SRGAP2: variants seen among roughly 807,000 people sequenced by gnomAD.
The protein encoded by SRGAP2 is SLIT-ROBO Rho GTPase-activating protein 2.
A neutral mutation model predicts 57.2 loss-of-function variants in SRGAP2; 15 were observed. The ratio of observed to expected loss-of-function variants is 0.26; its 90% CI spans 0.18 to 0.40. SRGAP2 has a LOEUF of 0.40. Ranked by LOEUF, SRGAP2 falls within the 10% of genes least tolerant of loss-of-function variation. The pLI, the probability that SRGAP2 is intolerant of heterozygous loss-of-function variation, is 1.00. For missense variants in SRGAP2, 520 were observed against 669.6 expected, an observed-to-expected ratio of 0.78 and a Z score of 2.47; for synonymous variants, 249 against 248.0, an observed-to-expected ratio of 1.00 and a Z score of -0.04.
intron 2 of SRGAP2, among the ~76,000 whole-genome samples, chr1:206,266,217 T>TGGCCC (rs1476661749): frequency 6.7e-6 from 1 of 149,754 alleles, no homozygotes; most frequent in African/African-American, 2.5e-5. Flanking sequence ...CTGGCTGGCA[T>TGGCCC]GGCCCATTGT....
At chr1:206,417,710 G>A (rs1450297381) in intron 11 of SRGAP2, among the ~76,000 whole-genome samples, 5 of 152,122 alleles carry the variant, frequency 3.3e-5, no homozygotes, top group Non-Finnish European at 2.9e-5. Flanking sequence ...GTGAGCCACC[G>A]GGCCCAGCAC....
chr1:206,363,805 G>T (rs1207489010), intron 4 of SRGAP2, among the ~76,000 whole-genome samples: 1 of 152,204 alleles, frequency 6.6e-6, no homozygotes, highest in Non-Finnish European at 1.5e-5. Flanking sequence ...TATATCAGGA[G>T]GCACTTGCCG....
rs782605897 is a variant in SRGAP2, at chr1:206,450,469, C to T, written c.2179+4C>T. The T allele has an allele frequency of 2.8e-5, 22 of 780,670 alleles. No individual in the cohort carries two copies. The highest frequency in any genetic ancestry group is 5.1e-5 in the African/African-American group (3 of 59,234). 48.4% of individuals were successfully genotyped at this position (780,670 alleles called of 1,614,324 possible). A position where few individuals can be genotyped will look rare whatever the true frequency, so the allele number is the denominator to read the frequency against. On this transcript the variant is annotated splice_donor_region_variant and intron_variant, in intron 19 of 22. Transcript: ENST00000573034. ...GAGCACCACACGAGCGATGACGGTA[C>T]GAGGCCCTGCTTCCTGGTCAGTGGG...
intron 14 of SRGAP2, among the ~76,000 whole-genome samples, chr1:206,435,030 T>C (rs1661604234): frequency 6.6e-6 from 1 of 152,226 alleles, no homozygotes; most frequent in Non-Finnish European, 1.5e-5. Flanking sequence ...ATCCCATTTG[T>C]AACTAGTATT....
At chr1:206,412,999 G>T (rs188574430) in intron 10 of SRGAP2, among the ~76,000 whole-genome samples, 56 of 152,288 alleles carry the variant, frequency 3.7e-4, no homozygotes, top group African/African-American at 1.2e-3. Context: ...AATGAAACCC[G>T]AAGAGGTAAT....
chr1:206,455,440 G>A (rs1011887846), intron 21 of SRGAP2: 5 of 219,860 alleles, frequency 2.3e-5, no homozygotes, highest in Admixed American at 1.1e-4. Flanking sequence ...TCCTTGACCC[G>A]TGTTCGTGCA....
intron 2 of SRGAP2, among the ~76,000 whole-genome samples, chr1:206,255,436 G>A (rs1313372986): frequency 7.3e-6 from 1 of 137,144 alleles, no homozygotes; most frequent in Non-Finnish European, 1.6e-5. Context: ...CTAGGGAGTA[G>A]CATACTCTGG....
intron 10 of SRGAP2, among the ~76,000 whole-genome samples, chr1:206,413,769 T>G (rs1553360379): frequency 6.6e-6 from 1 of 152,122 alleles, no homozygotes; most frequent in African/African-American, 2.4e-5. Flanking sequence ...GGAGGCAGTC[T>G]GAAGAAAAAG....
In SRGAP2 at chr1:206,449,318, A is replaced by G. The variant is rs532262408; in HGVS notation, c.2100-1068A>G. ...TTTTTTTTTTTTTTTTTTAGACAGGATCTTGCTCTGTCACCCAGGCCAGAG... is the reference window on the plus strand; with the variant it reads ...TTTTTTTTTTTTTTTTTTAGACAGGGTCTTGCTCTGTCACCCAGGCCAGAG... On this transcript the variant is annotated intron_variant, in intron 18 of 22. Transcript: ENST00000573034. Among the ~76,000 whole-genome samples, 896 of 109,474 alleles carry G rather than the reference A, an allele frequency of 8.2e-3. 12 individuals carry two copies. In the Middle Eastern group the frequency reaches 0.15, roughly 18 times the overall value. 71.8% of individuals were successfully genotyped at this position (109,474 alleles called of 152,430 possible). A position where few individuals can be genotyped will look rare whatever the true frequency, so the allele number is the denominator to read the frequency against.
intron 2 of SRGAP2, among the ~76,000 whole-genome samples, chr1:206,278,216 A>G (rs1670530484): frequency 6.6e-6 from 1 of 151,038 alleles, no homozygotes; most frequent in African/African-American, 2.4e-5. Context: ...GAGGGAGACA[A>G]ACAATAAACA....
chr1:206,344,127 G>A (rs1675438591), intron 4 of SRGAP2, among the ~76,000 whole-genome samples: 1 of 151,568 alleles, frequency 6.6e-6, no homozygotes, highest in African/African-American at 2.4e-5. Context: ...GATTTCACTA[G>A]ATCTGGAATT....
chr1:206,289,277 T>G (rs1167528982), intron 2 of SRGAP2, among the ~76,000 whole-genome samples: 1 of 143,604 alleles, frequency 7.0e-6, no homozygotes, highest in Admixed American at 6.8e-5. Context: ...AGGAGGTTTT[T>G]TTTTTTTTTT....
chr1:206,398,380 A>G (rs2103126005), intron 7 of SRGAP2, among the ~76,000 whole-genome samples: 1 of 150,734 alleles, frequency 6.6e-6, no homozygotes, highest in East Asian at 2.0e-4. Context: ...CTGGTTGGCT[A>G]GAGGTGTAGA....
rs571937737 is a variant in SRGAP2, at chr1:206,454,657, C to T, written c.2361-221C>T. ...CGCTTTCCTGAGGAGCTGAGGAGCC[C>T]GCAGAACTCAGCGGATTATTTATTT... On this transcript the variant is annotated intron_variant, in intron 20 of 22. Transcript: ENST00000573034. The surrounding 1 kb of genome is among the most constrained non-coding windows in gnomAD (Gnocchi z 4.3). The T allele has an allele frequency of 1.6e-4, 84 of 527,730 alleles. No individual in the cohort carries two copies. Among genetic ancestry groups the T allele is most frequent in the Non-Finnish European group, 2.5e-4 (75 of 300,396 alleles). The allele number at this position is 527,730 out of a possible 1,614,324, so 32.7% of individuals were successfully genotyped here.
At chr1:206,414,816 T>C (rs1659541243) in intron 10 of SRGAP2, among the ~76,000 whole-genome samples, 2 of 152,210 alleles carry the variant, frequency 1.3e-5, no homozygotes, top group African/African-American at 2.4e-5. Flanking sequence ...CATACAGTTA[T>C]TTATTGTTAG....
intron 21 of SRGAP2, chr1:206,456,050 C>G (rs1454158076): frequency 6.6e-6 from 1 of 152,230 alleles, no homozygotes; most frequent in Non-Finnish European, 1.5e-5. Flanking sequence ...TTTTTATTCC[C>G]CTCTGGCTTT....
At chr1:206,409,826 T>A (rs1164087427) in intron 10 of SRGAP2, among the ~76,000 whole-genome samples, 2 of 149,136 alleles carry the variant, frequency 1.3e-5, no homozygotes, top group Middle Eastern at 6.6e-3. Context: ...CTGCTGGGCG[T>A]GGTGGCTCAC....
intron 4 of SRGAP2, among the ~76,000 whole-genome samples, chr1:206,363,659 T>A (rs2102999347): frequency 6.6e-6 from 1 of 151,990 alleles, no homozygotes; most frequent in East Asian, 1.9e-4. Context: ...TCTTTCATGG[T>A]TTTAAAGAGT....
At chr1:206,432,396 C>T (rs1356899356) in intron 14 of SRGAP2, among the ~76,000 whole-genome samples, 1 of 152,144 alleles carries the variant, frequency 6.6e-6, no homozygotes, top group Non-Finnish European at 1.5e-5. Context: ...TATGCACTTA[C>T]GATCCAGCAG....
Sources: gnomAD v4.1 joint callset for allele counts (sites outside exome capture counted in the v4.1 genomes callset) on GRCh38, gnomAD v4.1.1 for gene constraint, Gnocchi (gnomAD v3.1) non-coding constraint, MANE v1.5 for transcripts, NCBI Gene and HGNC (gene_info 2026-07-23, HGNC 2026-07-21) for gene names.